The following MROH2A variants were observed in gnomAD, a reference collection of about 807,000 sequenced individuals.
MROH2A encodes maestro heat-like repeat-containing protein family member 2A.
A neutral mutation model predicts 200.4 loss-of-function variants in MROH2A; 174 were observed. The ratio of observed to expected loss-of-function variants is 0.87; its 90% CI spans 0.77 to 0.98. The LOEUF (loss-of-function observed/expected upper bound fraction) is 0.98. Among genes scored for constraint, MROH2A ranks in the 50% least tolerant of loss-of-function variants. The pLI is 0.00. For synonymous variants in MROH2A, 829 were observed against 840.4 expected, an observed-to-expected ratio of 0.99 and a Z score of 0.23; for missense variants, 2,045 against 2,139.6, an observed-to-expected ratio of 0.96 and a Z score of 0.87.
At chr2:233,803,933 C>T in intron 16 of MROH2A, 118 bp from the exon 17 acceptor site, 1 of 1,320,672 alleles carries the variant, frequency 7.6e-7, no homozygotes, top group Non-Finnish European at 1.0e-6. Flanking sequence ...ATTTGAAATC[C>T]CTATTTGAAA....
At chr2:233,800,043 G>T in intron 13 of MROH2A, 144 bp downstream of exon 13, 1 of 1,224,036 alleles carries the variant, frequency 8.2e-7, no homozygotes, top group Non-Finnish European at 1.1e-6. Flanking sequence ...CAGTGAACCT[G>T]CAGGTGACAA....
rs904460250 is a variant in MROH2A, at chr2:233,822,267, C to G, written c.3656C>G (p.Ala1219Gly). The change falls in exon 32 of 42, where the codon GCG becomes GGG. Residue 1219 changes from alanine (A) to glycine (G), a missense_variant. By Grantham distance (60) the Ala-to-Gly change is moderately conservative. Transcript: ENST00000389758. The part of the protein sequence containing the change: ...TSKADIWRLA[A>G]VDPLMTLCTI... ...AAGGCTGACATCTGGCGCCTGGCTG[C>G]GGTGGACCCCCTGATGGTGAGTTGC... The G allele has an allele frequency of 3.9e-6, 6 of 1,547,296 alleles. No homozygotes were observed. In the African/African-American group the frequency reaches 8.2e-5, roughly 21 times the overall value.
chr2:233,808,275 T>G (rs954981096), intron 21 of MROH2A, among the ~76,000 whole-genome samples: 6 of 152,250 alleles, frequency 3.9e-5, no homozygotes, highest in Non-Finnish European at 4.4e-5. Context: ...GTGCTGGGAT[T>G]GAGGGGCTCT....
chr2:233,815,946 C>T (rs1035190609), intron 26 of MROH2A, among the ~76,000 whole-genome samples: 1 of 138,082 alleles, frequency 7.2e-6, no homozygotes, highest in Non-Finnish European at 1.6e-5. Flanking sequence ...ATGATTTCTT[C>T]TTTGACCTGA....
chr2:233,798,587 C>CGA (rs1026356254), intron 11 of MROH2A, among the ~76,000 whole-genome samples, 187 bp from the exon 12 acceptor site: 6 of 152,172 alleles, frequency 3.9e-5, no homozygotes, highest in Non-Finnish European at 7.4e-5. Flanking sequence ...GCCAAGGGAA[C>CGA]GAGGCGTGGA....
Position 233,816,846 on chromosome 2 carries a change from C to G in MROH2A, c.2922C>G (p.Leu974=). 2 of 1,550,324 alleles carry G rather than the reference C, an allele frequency of 1.3e-6. No homozygotes were observed. Among genetic ancestry groups the G allele is most frequent in the Non-Finnish European group, 8.7e-7 (1 of 1,146,792 alleles). ...GGGAAAAGGCCGTGAGCCTCCATCT[C>G]TATCTCATGTGGATTTATGTCCACA... The part of the protein sequence containing the change: ...WEREKAVSLH[L]YLMWIYVHST... The change falls in exon 27 of 42, where the codon CTC becomes CTG. Residue 974 remains leucine, a synonymous_variant. Coordinates refer to ENST00000389758, the MANE Select transcript of MROH2A (RefSeq NM_001394639.1).
intron 26 of MROH2A, 130 bp from the exon 27 acceptor site, chr2:233,816,651 C>G: frequency 1.7e-6 from 1 of 584,712 alleles, no homozygotes; most frequent in East Asian, 2.9e-5. Flanking sequence ...CATGATGGGG[C>G]CTGTCTAGAA....
chr2:233,804,055 T>A lies in MROH2A; in HGVS notation c.1754T>A (p.Leu585Gln). ...TGGAGCCTTGGTGCCCTCCAGGTGC[T>A]GATGTCATCACCTTACAAGGGGGAG... Reference protein sequence around the residue: ...PQKLLARLLVLMSSPYKGEGR... With the variant: ...PQKLLARLLVQMSSPYKGEGR... Residue 585 changes from leucine (L) to glutamine (Q), a missense_variant, in exon 17 of 42, where the codon CTG becomes CAG. Around this residue, in one of 3 missense-constraint regions of MROH2A, gnomAD observed 831 missense variants for 800.0 expected, o/e 1.04. Transcript: ENST00000389758. 6.4e-7 allele frequency: 1 copy of A among 1,550,532 alleles called. No homozygotes were observed. Among genetic ancestry groups the A allele is most frequent in the Non-Finnish European group, 8.7e-7 (1 of 1,146,962 alleles).
rs79833913 is a variant in MROH2A, at chr2:233,814,895, C to T, written c.2856+218C>T. On this transcript the variant is annotated intron_variant, in intron 26 of 41. Transcript: ENST00000389758. ...TAATACTTTGTCACATTTTCTTTCT[C>T]GGTTTTCTTCTGCCTCTGTCCTTCC... Among the ~76,000 whole-genome samples, 31 of 152,320 alleles carry T rather than the reference C, an allele frequency of 2.0e-4. No homozygotes were observed. In the East Asian group the frequency reaches 3.3e-3, roughly 16 times the overall value.
intron 14 of MROH2A, among the ~76,000 whole-genome samples, chr2:233,800,633 G>GTA (rs1553633845): frequency 5.0e-3 from 98 of 19,700 alleles, no homozygotes; most frequent in African/African-American, 0.015. Flanking sequence ...GTGTGTGTAT[G>GTA]TGTGTGTGTG....
chr2:233,792,770 T>G, intron 5 of MROH2A, 26 bp from the exon 6 acceptor site: 3 of 1,453,080 alleles, frequency 2.1e-6, no homozygotes, highest in Non-Finnish European at 2.8e-6. Flanking sequence ...CCCAACTTCC[T>G]GTAATCATCC....
chr2:233,794,722 G>A (rs1481125883), intron 8 of MROH2A, among the ~76,000 whole-genome samples: 2 of 152,186 alleles, frequency 1.3e-5, no homozygotes, highest in African/African-American at 4.8e-5. Context: ...AAGGGACCAG[G>A]TGCTGGTCCC....
At chr2:233,790,935 C>G (rs922082989) in intron 5 of MROH2A, among the ~76,000 whole-genome samples, 1 of 152,212 alleles carries the variant, frequency 6.6e-6, no homozygotes, top group Admixed American at 6.5e-5. Context: ...GACCTCATCT[C>G]TGCAGCCCTT....
chr2:233,828,708 G>T lies in MROH2A; in HGVS notation c.4192G>T (p.Glu1398Ter). 1 of 1,550,696 alleles carries T rather than the reference G, an allele frequency of 6.4e-7. No homozygotes were observed. The highest frequency in any genetic ancestry group is 8.7e-7 in the Non-Finnish European group (1 of 1,147,016). ...GCTGCTGGAGAAGGGTGCCGACCAG[G>T]AGGAAGACGAGGCCCTGCGGGTGCT... ...ALLLEKGADQ[E>*]EDEALRVLSL... The change falls in exon 36 of 42, where the codon GAG (glutamate) becomes TAG (stop). Residue 1398 changes from glutamate (E) to a stop codon, truncating the protein, a stop_gained. Transcript: ENST00000389758. LOFTEE classifies it high-confidence loss of function. This position sits in a 1 kb window ranked among gnomAD's most constrained non-coding sequence, Gnocchi z 4.6.
chr2:233,829,156 C>CAGA, intron 37 of MROH2A, 84 bp downstream of exon 37: 1 of 1,297,446 alleles, frequency 7.7e-7, no homozygotes, highest in South Asian at 1.6e-5. Context: ...GGCTCTAGAG[C>CAGA]AGAAAAGAGC....
chr2:233,804,054 C>T lies in MROH2A; in HGVS notation c.1753C>T (p.Leu585=). Residue 585 remains leucine, a synonymous_variant, in exon 17 of 42, where the codon CTG becomes TTG. Transcript: ENST00000389758. ...CTGGAGCCTTGGTGCCCTCCAGGTG[C>T]TGATGTCATCACCTTACAAGGGGGA... is the stretch of plus-strand genomic sequence containing the variant. ...PQKLLARLLV[L]MSSPYKGEGR... The T allele has an allele frequency of 6.4e-7, 1 of 1,550,500 alleles. No individual in the cohort carries two copies. Among genetic ancestry groups the T allele is most frequent in the Non-Finnish European group, 8.7e-7 (1 of 1,146,956 alleles).
Position 233,799,795 on chromosome 2 carries a change from C to T in MROH2A, c.1345C>T (p.Leu449Phe). The T allele has an allele frequency of 6.4e-7, 1 of 1,550,494 alleles. No homozygotes were observed. Among genetic ancestry groups the T allele is most frequent in the Non-Finnish European group, 8.7e-7 (1 of 1,146,982 alleles). The change falls in exon 13 of 42, where the codon CTC (leucine) becomes TTC (phenylalanine). Residue 449 changes from leucine (L) to phenylalanine (F), a missense_variant. Physicochemically the swap from Leu to Phe is conservative, Grantham distance 22. Coordinates refer to ENST00000389758, the MANE Select transcript of MROH2A (RefSeq NM_001394639.1). ...DTRSKVRMAI[L>F]HIIGQLALCG... ...GTCCCCTCAGGTGAGGATGGCTATT[C>T]TCCACATCATTGGGCAGTTGGCTCT... is the stretch of plus-strand genomic sequence containing the variant.
At position 233,789,615 on chromosome 2, in the gene MROH2A, G is replaced by T; in HGVS notation, c.395G>T (p.Arg132Met). Residue 132 changes from arginine (R) to methionine (M), a missense_variant, in exon 4 of 42, where the codon AGG becomes ATG. By Grantham distance (91) the Arg-to-Met change is moderately conservative. Coordinates refer to ENST00000389758, the MANE Select transcript of MROH2A (RefSeq NM_001394639.1). ...GTGGCCATTGCCTCCAAGGAGATGA[G>T]GGAGATCCCAGAGGTAGGACCCCAA... is the stretch of plus-strand genomic sequence containing the variant. ...RLVAIASKEM[R>M]EIPEMEGYMK... 2 of 1,468,272 alleles carry T rather than the reference G, an allele frequency of 1.4e-6. No homozygotes were observed. Among genetic ancestry groups the T allele is most frequent in the South Asian group, 1.4e-5 (1 of 69,258 alleles). The allele number at this position is 1,468,272 out of a possible 1,614,324, so 91.0% of individuals were successfully genotyped here. A position where few individuals can be genotyped will look rare whatever the true frequency, so the allele number is the denominator to read the frequency against.
chr2:233,809,693 CAG>C (rs1703029253), intron 22 of MROH2A, among the ~76,000 whole-genome samples: 1 of 152,118 alleles, frequency 6.6e-6, no homozygotes, highest in Non-Finnish European at 1.5e-5. Flanking sequence ...GGGGAAAACA[CAG>C]AGAATAAAGC....
Sources: allele counts gnomAD v4.1 joint callset (sites outside exome capture counted in the v4.1 genomes callset), GRCh38; gene constraint gnomAD v4.1.1; regional missense constraint gnomAD v4.1.1; non-coding constraint Gnocchi (gnomAD v3.1); transcripts MANE v1.5; gene names NCBI Gene and HGNC (gene_info 2026-07-23, HGNC 2026-07-21).